EFCAB6: variants seen among roughly 807,000 people sequenced by gnomAD.
EFCAB6 encodes EF-hand calcium binding domain 6.
EFCAB6 carries 156 observed loss-of-function variants against 169.8 expected under a neutral mutation model. That is an observed-to-expected ratio of 0.92 (90% confidence interval 0.81 to 1.05). The LOEUF is 1.05. Ranked by LOEUF, EFCAB6 falls within the 50% of genes least tolerant of loss-of-function variation. The pLI, the probability that EFCAB6 is intolerant of heterozygous loss-of-function variation, is 0.00. For synonymous variants in EFCAB6, 698 were observed against 676.4 expected (o/e 1.03, Z -0.50); for missense variants, 1,800 against 1,829.1 (o/e 0.98, Z 0.29).
rs2046894582 is a variant in EFCAB6, at chr22:43,528,901, C to T, written c.4458G>A (p.Leu1486=). The change falls in exon 32 of 32, where the codon CTG becomes CTA. Residue 1486 remains leucine (L), a synonymous_variant. Transcript: ENST00000262726. ...FHILEYYDKT[L]SSKISYNDFL... is the part of the protein sequence containing the mutation. Reference sequence around the variant, plus strand: ...AGTCGTTGTAGGAGATTTTTGAAGACAGCGTCTTATCGTAATACTCCAGAA... The same window carrying T: ...AGTCGTTGTAGGAGATTTTTGAAGATAGCGTCTTATCGTAATACTCCAGAA... 5 of 1,611,754 alleles carry T rather than the reference C, an allele frequency of 3.1e-6. No homozygotes were observed. Among genetic ancestry groups the T allele is most frequent in the Non-Finnish European group, 4.2e-6 (5 of 1,178,138 alleles).
intron 1 of EFCAB6, among the ~76,000 whole-genome samples, chr22:43,810,664 C>T (rs1408934180): frequency 6.6e-6 from 1 of 152,172 alleles, no homozygotes; most frequent in South Asian, 2.1e-4. Context: ...AGGTAGATAG[C>T]TGGAACAGGG....
chr22:43,608,384 C>G, intron 22 of EFCAB6, 98 bp downstream of exon 22: 1 of 990,308 alleles, frequency 1.0e-6, no homozygotes, highest in Admixed American at 2.2e-5. Flanking sequence ...CTCCCAGCCC[C>G]CAGTTACCCT....
intron 30 of EFCAB6, chr22:43,531,880 G>C (rs2047088749): frequency 6.6e-6 from 1 of 152,178 alleles, no homozygotes; most frequent in African/African-American, 2.4e-5. Flanking sequence ...AGGGAGGGGC[G>C]GCACCCAAGC....
At chr22:43,570,613 T>TC (rs11417890) in intron 26 of EFCAB6, among the ~76,000 whole-genome samples, 23 of 9,938 alleles carry the variant, frequency 2.3e-3, no homozygotes, top group East Asian at 7.8e-3. Context: ...AGGTGTTCTC[T>TC]TTTTTTTTTT....
intron 16 of EFCAB6, among the ~76,000 whole-genome samples, chr22:43,667,788 T>C (rs1373638630): frequency 6.6e-6 from 1 of 152,154 alleles, no homozygotes; most frequent in Non-Finnish European, 1.5e-5. Flanking sequence ...ATTTATAAAA[T>C]ACAAATTGAA....
chr22:43,789,972 AG>A (rs1268617361), intron 2 of EFCAB6, among the ~76,000 whole-genome samples: 3 of 152,186 alleles, frequency 2.0e-5, no homozygotes, highest in Non-Finnish European at 2.9e-5. Flanking sequence ...GCACTATACG[AG>A]TATACAGAAT....
At position 43,590,103 on chromosome 22, in the gene EFCAB6, G is replaced by A. The variant is rs747144535; in HGVS notation, c.3003C>T (p.Thr1001=). The A allele has an allele frequency of 3.1e-6, 5 of 1,613,878 alleles. No individual in the cohort carries two copies. The highest frequency in any genetic ancestry group is 2.2e-5 in the East Asian group (1 of 44,882). ...TTAGCAGATGGGTCAGCTCCCCTTCGGTAAGAGAACATCCACATTCTTCCA... is the reference window on the plus strand; with the variant it reads ...TTAGCAGATGGGTCAGCTCCCCTTCAGTAAGAGAACATCCACATTCTTCCA... ...EVLEECGCSL[T]EGELTHLLNS... is the part of the protein sequence containing the mutation. Residue 1001 remains threonine (T), a synonymous_variant, in exon 24 of 32, where the codon ACC becomes ACT. Coordinates refer to ENST00000262726, the MANE Select transcript of EFCAB6 (RefSeq NM_022785.4).
chr22:43,684,735 A>T (rs2058125221), intron 11 of EFCAB6, among the ~76,000 whole-genome samples: 1 of 152,176 alleles, frequency 6.6e-6, no homozygotes, highest in South Asian at 2.1e-4. Flanking sequence ...AGCTCCTCAC[A>T]TGACTTGTTA....
At chr22:43,630,662 T>G (rs1196991313) in intron 19 of EFCAB6, among the ~76,000 whole-genome samples, 1 of 152,220 alleles carries the variant, frequency 6.6e-6, no homozygotes, top group Non-Finnish European at 1.5e-5. Context: ...GAAGGGAGTC[T>G]GCTCCTGGAG....
chr22:43,718,553 C>T (rs1255926198), intron 8 of EFCAB6, among the ~76,000 whole-genome samples: 3 of 152,148 alleles, frequency 2.0e-5, no homozygotes, highest in African/African-American at 4.8e-5. Flanking sequence ...GAGGCCAAGA[C>T]GGGCAGATCA....
intron 26 of EFCAB6, among the ~76,000 whole-genome samples, chr22:43,569,081 C>T (rs140971520): frequency 9.5e-4 from 144 of 152,326 alleles, no homozygotes; most frequent in Non-Finnish European, 1.2e-3. Flanking sequence ...TTGCCTGGCA[C>T]ATGCCGAGTG....
At chr22:43,688,259 G>T (rs2058276180) in intron 10 of EFCAB6, among the ~76,000 whole-genome samples, 1 of 152,132 alleles carries the variant, frequency 6.6e-6, no homozygotes, top group Non-Finnish European at 1.5e-5. Context: ...AAGGAAAAAA[G>T]CCCTGCTGAT....
intron 22 of EFCAB6, among the ~76,000 whole-genome samples, chr22:43,601,797 G>T (rs1182281086): frequency 6.6e-6 from 1 of 152,220 alleles, no homozygotes; most frequent in Non-Finnish European, 1.5e-5. Context: ...CTCAGGAGTT[G>T]GAGGACCACC....
At position 43,548,539 on chromosome 22, in the gene EFCAB6, C is replaced by CAAAAAAA. The variant is rs397868076; in HGVS notation, c.3648+6323_3648+6329dup. ...TGGGTGACAGAGCGAGAATCCATCT[C>CAAAAAAA]AAAAAAAAAAAAAAAAAAAAAAAAA... On this transcript the variant is annotated intron_variant, in intron 27 of 31. Coordinates refer to ENST00000262726, the MANE Select transcript of EFCAB6 (RefSeq NM_022785.4). Among the ~76,000 whole-genome samples, 39 of 36,750 alleles carry CAAAAAAA rather than the reference C, an allele frequency of 1.1e-3. 2 individuals carry two copies. The highest frequency in any genetic ancestry group is 3.8e-3 in the African/African-American group (34 of 9,060). 24.1% of individuals were successfully genotyped at this position (36,750 alleles called of 152,430 possible). A position where few individuals can be genotyped will look rare whatever the true frequency, so the allele number is the denominator to read the frequency against.
intron 9 of EFCAB6, among the ~76,000 whole-genome samples, chr22:43,711,982 C>G (rs543777951): frequency 1.3e-5 from 2 of 152,266 alleles, no homozygotes; most frequent in African/African-American, 4.8e-5. Context: ...CTACGCTTCT[C>G]CTGATTAAAT....
intron 5 of EFCAB6, among the ~76,000 whole-genome samples, chr22:43,760,823 C>T (rs186702087): frequency 1.1e-4 from 16 of 152,190 alleles, no homozygotes; most frequent in East Asian, 3.9e-4. Flanking sequence ...CCACCACATG[C>T]GGCTAATTTT....
chr22:43,533,887 TG>T (rs1422930461), intron 30 of EFCAB6, among the ~76,000 whole-genome samples: 1 of 152,246 alleles, frequency 6.6e-6, no homozygotes, highest in Non-Finnish European at 1.5e-5. Flanking sequence ...TGGGCTGGGC[TG>T]GGCTCTGGCC....
At position 43,773,048 on chromosome 22, in the gene EFCAB6, A is replaced by T. The variant is rs754678574; in HGVS notation, c.195T>A (p.Phe65Leu). Residue 65 changes from phenylalanine (F) to leucine (L), a missense_variant, in exon 4 of 32, where the codon TTT (phenylalanine) becomes TTA (leucine). Physicochemically the swap from Phe to Leu is conservative, Grantham distance 22. Transcript: ENST00000262726. ...CATCCCCTCTGTCGGTAATTTTTTG[A>T]AATAAAATCCGTTTAACATCTAAGG... ...LSSLDVKRIL[F>L]QKITDRGDEL... 1.9e-6 allele frequency: 3 copies of T among 1,614,116 alleles called. No individual in the cohort carries two copies. In the African/African-American group the frequency reaches 4.0e-5, roughly 22 times the overall value.
intron 6 of EFCAB6, among the ~76,000 whole-genome samples, chr22:43,736,909 T>C (rs1185000852): frequency 3.3e-5 from 5 of 151,694 alleles, no homozygotes; most frequent in Middle Eastern, 6.8e-3. Context: ...TCCAGTTCAC[T>C]CCCTTGGGCG....
Sources: allele counts gnomAD v4.1 joint callset (sites outside exome capture counted in the v4.1 genomes callset), GRCh38; gene constraint gnomAD v4.1.1; transcripts MANE v1.5; gene names NCBI Gene and HGNC (gene_info 2026-07-23, HGNC 2026-07-21).